The following PJA2 variants were observed in gnomAD, a reference collection of about 807,000 sequenced individuals.
PJA2 encodes the protein E3 ubiquitin-protein ligase Praja-2.
In PJA2, 25 loss-of-function variants were observed where a neutral mutation model predicts 69.3. The ratio of observed to expected loss-of-function variants is 0.36; its 90% CI spans 0.26 to 0.50. The LOEUF (loss-of-function observed/expected upper bound fraction) is 0.50, where lower values mean the gene tolerates loss of function less well. PJA2 is among the 20% of genes least tolerant of loss of function. The pLI is 0.96. For synonymous variants in PJA2, 308 were observed against 277.8 expected, an observed-to-expected ratio of 1.11 and a Z score of -1.08; for missense variants, 809 against 830.2, an observed-to-expected ratio of 0.97 and a Z score of 0.31.
chr5:109,389,260 AGTG>A (rs1747230941), intron 1 of PJA2, among the ~76,000 whole-genome samples: 1 of 152,166 alleles, frequency 6.6e-6, no homozygotes, highest in South Asian at 2.1e-4. Context: ...CAGATTTGTC[AGTG>A]AAGCCATCAG....
At chr5:109,394,193 AC>A (rs1747352645) in intron 1 of PJA2, among the ~76,000 whole-genome samples, 1 of 151,526 alleles carries the variant, frequency 6.6e-6, no homozygotes, top group Admixed American at 6.6e-5. Flanking sequence ...GATTATAGGT[AC>A]CCGCCACCAT....
At chr5:109,383,794 G>A (rs79156232) in intron 1 of PJA2, among the ~76,000 whole-genome samples, 4,602 of 152,198 alleles carry the variant, frequency 0.03, 89 homozygotes, top group Middle Eastern at 0.048. Flanking sequence ...TTAGCCAGGC[G>A]TGGTGGTGCA....
intron 1 of PJA2, among the ~76,000 whole-genome samples, chr5:109,384,219 G>A (rs1747110340): frequency 6.6e-6 from 1 of 152,076 alleles, no homozygotes; most frequent in African/African-American, 2.4e-5. Context: ...CTTTAGCCCT[G>A]GAATTGCTAA....
intron 1 of PJA2, among the ~76,000 whole-genome samples, chr5:109,396,784 G>C (rs1310625316): frequency 1.5e-5 from 2 of 136,734 alleles, no homozygotes; most frequent in African/African-American, 5.5e-5. Context: ...AAAGGCAGGG[G>C]TGGGGGTGGG....
Position 109,379,977 on chromosome 5 carries a change from T to A in PJA2, c.233-723A>T, listed in dbSNP as rs571836451. Among the ~76,000 whole-genome samples the A allele has an allele frequency of 8.4e-5, 12 of 142,438 alleles. No homozygotes were observed. The South Asian group carries it at 2.1e-3, about 25-fold the overall frequency. The allele number at this position is 142,438 out of a possible 152,430, so 93.4% of individuals were successfully genotyped here. A position where few individuals can be genotyped will look rare whatever the true frequency, so the allele number is the denominator to read the frequency against. On this transcript the variant is annotated intron_variant, in intron 3 of 9. Coordinates refer to ENST00000361189, the MANE Select transcript of PJA2 (RefSeq NM_014819.5). ...CTTGCATCACCACTAATAAAAAAAA[T>A]GAAGACATTTGAGATTTGCTGGAAT...
chr5:109,346,172 A>C (rs771607911), intron 7 of PJA2, among the ~76,000 whole-genome samples: 30 of 152,182 alleles, frequency 2.0e-4, no homozygotes, highest in Non-Finnish European at 4.1e-4. Context: ...ACACCGTTTA[A>C]TTATTACTTG....
intron 1 of PJA2, among the ~76,000 whole-genome samples, chr5:109,384,723 A>G (rs1192207850): frequency 6.6e-6 from 1 of 152,250 alleles, no homozygotes; most frequent in East Asian, 1.9e-4. Context: ...ATCTGAATCA[A>G]AAGAGGCTGT....
Position 109,379,150 on chromosome 5 carries a change from T to C in PJA2, c.337A>G (p.Thr113Ala), listed in dbSNP as rs1233311982. ...PTCGSALNQT[T>A]ESSQSFVAVH... ...GCAACAAAGGATTGACTGCTCTCAG[T>C]GGTTTGATTCAATGCTGAACCACAA... The change falls in exon 4 of 10, where the codon ACT (threonine) becomes GCT (alanine). Residue 113 changes from threonine to alanine, a missense_variant. By Grantham distance (58) the Thr-to-Ala change is moderately conservative. Transcript: ENST00000361189. 6.2e-7 allele frequency: 1 copy of C among 1,614,168 alleles called. No individual in the cohort carries two copies. Among genetic ancestry groups the C allele is most frequent in the Non-Finnish European group, 8.5e-7 (1 of 1,180,018 alleles).
intron 7 of PJA2, among the ~76,000 whole-genome samples, chr5:109,347,723 C>G (rs1762192088): frequency 6.6e-6 from 1 of 152,238 alleles, no homozygotes; most frequent in African/African-American, 2.4e-5. Flanking sequence ...GTCTGGCTCT[C>G]AGCCTTAGAC....
chr5:109,341,098 C>A (rs1762046114), intron 9 of PJA2, among the ~76,000 whole-genome samples: 4 of 123,762 alleles, frequency 3.2e-5, no homozygotes, highest in African/African-American at 1.1e-4. Context: ...TGCCTGGCCA[C>A]CCATCGTCTG....
chr5:109,338,278 C>T (rs540906192), intron 9 of PJA2, among the ~76,000 whole-genome samples: 1 of 152,300 alleles, frequency 6.6e-6, no homozygotes, highest in East Asian at 1.9e-4. Flanking sequence ...GAGACTGTTA[C>T]TTTGTGTTAC....
At chr5:109,353,357 T>C (rs1212392431) in intron 7 of PJA2, among the ~76,000 whole-genome samples, 1 of 140,826 alleles carries the variant, frequency 7.1e-6, no homozygotes, top group East Asian at 2.1e-4. Flanking sequence ...TAGACATCTA[T>C]ATATTAGATA....
At chr5:109,398,827 G>A (rs1041976501) in intron 1 of PJA2, among the ~76,000 whole-genome samples, 11 of 151,960 alleles carry the variant, frequency 7.2e-5, no homozygotes, top group African/African-American at 2.2e-4. Context: ...GCAGAGTCAG[G>A]AAACAGTTTA....
intron 7 of PJA2, among the ~76,000 whole-genome samples, chr5:109,353,504 CTA>C (rs1322946501): frequency 1.1e-5 from 1 of 90,730 alleles, no homozygotes; most frequent in Non-Finnish European, 2.7e-5. Flanking sequence ...TCTATAATAT[CTA>C]TAGATATCTA....
intron 5 of PJA2, among the ~76,000 whole-genome samples, chr5:109,367,143 A>ATAT (rs1554054262): frequency 5.6e-5 from 8 of 143,202 alleles, no homozygotes; most frequent in African/African-American, 7.7e-5. Context: ...CAAAAAAAAA[A>ATAT]ATATATATAT....
At chr5:109,354,961 C>T (rs1762388257) in intron 7 of PJA2, among the ~76,000 whole-genome samples, 1 of 151,494 alleles carries the variant, frequency 6.6e-6, no homozygotes, top group Non-Finnish European at 1.5e-5. Context: ...CCAAAAAACC[C>T]CACAAAAAAC....
At position 109,362,916 on chromosome 5, in the gene PJA2, G is replaced by A. The variant is rs376059050; in HGVS notation, c.1576C>T (p.Pro526Ser). ...TTGTTACCATCCAACATGAAAGCTG[G>A]CTGTGCAAATTCATTGGCAGGTTCA... ...GNEPANEFAQ[P>S]AFMLDGNNNL... is the part of the protein sequence containing the mutation. Residue 526 changes from proline to serine, a missense_variant, in exon 6 of 10, where the codon CCA (proline) becomes TCA (serine). Pro to Ser is a moderately conservative substitution (Grantham distance 74). Coordinates refer to ENST00000361189, the MANE Select transcript of PJA2 (RefSeq NM_014819.5). 4.0e-5 allele frequency: 64 copies of A among 1,613,544 alleles called. No individual in the cohort carries two copies. Among genetic ancestry groups the A allele is most frequent in the Non-Finnish European group, 5.2e-5 (61 of 1,179,720 alleles).
intron 9 of PJA2, among the ~76,000 whole-genome samples, chr5:109,337,839 T>C (rs897085172): frequency 6.6e-6 from 1 of 152,012 alleles, no homozygotes; most frequent in Non-Finnish European, 1.5e-5. Flanking sequence ...CTACGATGAA[T>C]TAACGTAGGT....
rs191957452 is a variant in PJA2 at position 109,387,941 on chromosome 5, T to C, written c.-87-4421A>G. Among the ~76,000 whole-genome samples the C allele has an allele frequency of 1.3e-3, 205 of 152,300 alleles. 4 individuals carry two copies. The highest frequency in any genetic ancestry group is 3.4e-4 in the Non-Finnish European group (23 of 68,016). ...TGAGATAATTCTGTGCTCCTTTCTC[T>C]GATGGAAATGTGGTCACATAATGGA... On this transcript the variant is annotated intron_variant, in intron 1 of 9. Coordinates refer to ENST00000361189, the MANE Select transcript of PJA2 (RefSeq NM_014819.5).
Sources: gnomAD v4.1 joint callset for allele counts (sites outside exome capture counted in the v4.1 genomes callset) on GRCh38, gnomAD v4.1.1 for gene constraint, MANE v1.5 for transcripts, NCBI Gene and HGNC (gene_info 2026-07-23, HGNC 2026-07-21) for gene names.